The following PPP2R2C variants were observed in gnomAD, a reference collection of about 807,000 sequenced individuals.
PPP2R2C encodes protein phosphatase 2, regulatory subunit B, gamma.
In PPP2R2C, 10 loss-of-function variants were observed where a neutral mutation model predicts 45.3. The observed-to-expected ratio is 0.22, with a 90% CI of 0.14 to 0.37. The LOEUF (loss-of-function observed/expected upper bound fraction) is 0.37. Ranked by LOEUF, PPP2R2C falls within the 10% of genes least tolerant of loss-of-function variation. The probability of loss-of-function intolerance (pLI) is 1.00; values close to 1 mark genes in which losing one functional copy is unlikely to be tolerated. For missense variants in PPP2R2C, 308 were observed against 619.7 expected (o/e 0.50, Z 5.34); for synonymous variants, 257 against 245.4 (o/e 1.05, Z -0.44).
chr4:6,546,057 C>A (rs748170527), intron 1 of PPP2R2C, among the ~76,000 whole-genome samples: 2 of 152,160 alleles, frequency 1.3e-5, no homozygotes, highest in East Asian at 1.9e-4. Context: ...CGTGGCTAAA[C>A]GAGAAGGGCC....
In PPP2R2C at chr4:6,512,538, GGTGGTGA is replaced by G. The variant is rs1406854043; in HGVS notation, c.49+22726_49+22732del. Among the ~76,000 whole-genome samples, 35 of 63,948 alleles carry G rather than the reference GGTGGTGA, an allele frequency of 5.5e-4. No homozygotes were observed. In the South Asian group the frequency reaches 0.015, roughly 28 times the overall value. The allele number at this position is 63,948 out of a possible 152,430, so 42.0% of individuals were successfully genotyped here. On this transcript the variant is annotated intron_variant, in intron 2 of 9. Transcript: ENST00000506140. Reference sequence around the variant, plus strand: ...TGGTGGTGGTGGTGGTGATGGTGATGGTGGTGATGGTGGTGATGGTGGTGGTGGTGGT... The same window carrying G: ...TGGTGGTGGTGGTGGTGATGGTGATGTGGTGGTGATGGTGGTGGTGGTGGT...
At chr4:6,370,236 C>T (rs1390478516) in intron 5 of PPP2R2C, among the ~76,000 whole-genome samples, 1 of 152,226 alleles carries the variant, frequency 6.6e-6, no homozygotes, top group African/African-American at 2.4e-5. Flanking sequence ...GGACTCTGGG[C>T]CAGTCCCTCA....
chr4:6,518,922 T>TAAAAAAAAAA (rs56002128), intron 2 of PPP2R2C, among the ~76,000 whole-genome samples: 30 of 92,894 alleles, frequency 3.2e-4, no homozygotes, highest in South Asian at 6.4e-4. Flanking sequence ...GACTCTGTCT[T>TAAAAAAAAAA]AAAAAAAAAA....
chr4:6,340,453 T>G (rs745655959), intron 6 of PPP2R2C, among the ~76,000 whole-genome samples: 3 of 152,154 alleles, frequency 2.0e-5, no homozygotes, highest in Non-Finnish European at 4.4e-5. Context: ...ACTAGTCCCC[T>G]TCCTGTGGTC....
At chr4:6,366,673 G>A (rs149303514) in intron 5 of PPP2R2C, among the ~76,000 whole-genome samples, 2 of 152,316 alleles carry the variant, frequency 1.3e-5, no homozygotes, top group Non-Finnish European at 2.9e-5. Context: ...GTGAGATGCT[G>A]CAAGTGGGCA....
At chr4:6,451,758 C>T (rs1383617430) in intron 1 of PPP2R2C, among the ~76,000 whole-genome samples, 2 of 152,186 alleles carry the variant, frequency 1.3e-5, no homozygotes, top group East Asian at 1.9e-4. Context: ...GGCCTCAGTG[C>T]TCTGAGGGAC....
chr4:6,507,503 G>C (rs531339503), intron 2 of PPP2R2C, among the ~76,000 whole-genome samples: 1 of 152,352 alleles, frequency 6.6e-6, no homozygotes, highest in African/African-American at 2.4e-5. Context: ...TACCCTACTA[G>C]ACTCTCTATG....
chr4:6,547,239 C>T (rs1725015312), intron 1 of PPP2R2C, among the ~76,000 whole-genome samples: 1 of 152,042 alleles, frequency 6.6e-6, no homozygotes, highest in African/African-American at 2.4e-5. Context: ...CTTCAGCATG[C>T]ATCTCTAAAA....
At chr4:6,444,553 C>G (rs1162748021) in intron 1 of PPP2R2C, among the ~76,000 whole-genome samples, 1 of 152,194 alleles carries the variant, frequency 6.6e-6, no homozygotes, top group Non-Finnish European at 1.5e-5. Context: ...CCTGAGGTTT[C>G]TCAAAATGAT....
At chr4:6,377,614 G>T (rs980917058) in intron 3 of PPP2R2C, among the ~76,000 whole-genome samples, 1 of 152,028 alleles carries the variant, frequency 6.6e-6, no homozygotes, top group East Asian at 1.9e-4. Flanking sequence ...AGCAGAGATC[G>T]CGCCACTCTA....
At chr4:6,534,175 AAC>A (rs1724504962) in intron 2 of PPP2R2C, among the ~76,000 whole-genome samples, 1 of 149,434 alleles carries the variant, frequency 6.7e-6, no homozygotes. Context: ...CACACACATC[AAC>A]ACACACATCA....
intron 2 of PPP2R2C, 47 bp downstream of exon 2, chr4:6,380,950 T>C: frequency 7.9e-7 from 1 of 1,265,244 alleles, no homozygotes; most frequent in Admixed American, 3.0e-5. Flanking sequence ...CCCACCTGAC[T>C]CTGCTCCCCA....
Position 6,333,700 on chromosome 4 carries a change from G to A in PPP2R2C, c.822C>T (p.Arg274=). The A allele has an allele frequency of 3.1e-6, 5 of 1,614,170 alleles. No homozygotes were observed. The highest frequency in any genetic ancestry group is 4.2e-6 in the Non-Finnish European group (5 of 1,180,024). The change falls in exon 7 of 9, where the codon CGC becomes CGT. Residue 274 remains arginine, a synonymous_variant. Transcript: ENST00000382599. The stretch of plus-strand genomic sequence containing the variant: ...AGGAGATGATTTCCGAGAAGAATGA[G>A]CGGTTACTGGGGTCCTCAGGCTCTT... The part of the protein sequence containing the change: ...LFEEPEDPSN[R]SFFSEIISSV...
At chr4:6,542,089 G>A (rs1428380371) in intron 1 of PPP2R2C, among the ~76,000 whole-genome samples, 1 of 152,188 alleles carries the variant, frequency 6.6e-6, no homozygotes, top group Non-Finnish European at 1.5e-5. Context: ...CTCCAAAAGG[G>A]ACAGTGACAT....
upstream of PPP2R2C, among the ~76,000 whole-genome samples, chr4:6,475,013 C>T (rs1560574891): frequency 6.6e-6 from 1 of 152,234 alleles, no homozygotes; most frequent in Non-Finnish European, 1.5e-5. Context: ...TATTGAGCAT[C>T]TACTATGTGT....
intron 5 of PPP2R2C, among the ~76,000 whole-genome samples, chr4:6,357,285 G>A (rs1456368525): frequency 3.3e-5 from 5 of 152,342 alleles, no homozygotes; most frequent in Admixed American, 6.5e-5. Context: ...GGAGGGGCCC[G>A]GGGACCTGGC....
intron 1 of PPP2R2C, among the ~76,000 whole-genome samples, chr4:6,424,296 C>T (rs188042785): frequency 1.1e-3 from 164 of 152,362 alleles, no homozygotes; most frequent in African/African-American, 3.3e-3. Flanking sequence ...CTGTGGAGCC[C>T]TGGAAAACCA....
chr4:6,350,876 T>G (rs1577093677), intron 5 of PPP2R2C: 1 of 984,654 alleles, frequency 1.0e-6, no homozygotes, highest in South Asian at 4.7e-5. Context: ...GAGTGGGAGG[T>G]GTGAAGTGGG....
chr4:6,547,639 T>C (rs756980197), intron 1 of PPP2R2C, among the ~76,000 whole-genome samples: 2 of 152,184 alleles, frequency 1.3e-5, no homozygotes, highest in East Asian at 1.9e-4. Context: ...AGGGAAGCCA[T>C]AGATACACCC....
Sources: gnomAD v4.1 joint callset for allele counts (sites outside exome capture counted in the v4.1 genomes callset) on GRCh38, gnomAD v4.1.1 for gene constraint, MANE v1.5 for transcripts, NCBI Gene and HGNC (gene_info 2026-07-23, HGNC 2026-07-21) for gene names.